C9orf85: variants seen among roughly 807,000 people sequenced by gnomAD.
The protein encoded by C9orf85 is uncharacterized protein C9orf85.
Under a neutral mutation model 14.9 loss-of-function variants are expected in C9orf85, and 16 were observed. The ratio of observed to expected loss-of-function variants is 1.08; its 90% CI spans 0.73 to 1.63. The LOEUF (loss-of-function observed/expected upper bound fraction) is 1.63. Among genes scored for constraint, C9orf85 ranks in the 40% most tolerant of loss-of-function variants. The pLI is 0.00. For synonymous variants in C9orf85, 45 were observed against 56.8 expected (o/e 0.79, Z 0.93); for missense variants, 172 against 186.1 (o/e 0.92, Z 0.44).
At chr9:71,928,468 T>C (rs898950374) in intron 1 of C9orf85, among the ~76,000 whole-genome samples, 6 of 152,206 alleles carry the variant, frequency 3.9e-5, no homozygotes, top group Non-Finnish European at 5.9e-5. Context: ...GAGTACATAC[T>C]AGCTCATATT....
chr9:71,948,818 C>G lies in C9orf85; in HGVS notation c.209+1706C>G, dbSNP rs1016733494. Among the ~76,000 whole-genome samples the G allele has an allele frequency of 4.0e-3, 599 of 147,922 alleles. 13 individuals carry two copies. Among genetic ancestry groups the G allele is most frequent in the African/African-American group, 0.012 (482 of 40,248 alleles). On this transcript the variant is annotated intron_variant, in intron 2 of 3. Transcript: ENST00000334731. The stretch of plus-strand genomic sequence containing the variant: ...GGATTACAGGCGTGAGCCACGCCCC[C>G]CCCCCCCCCTTTAAATAGTTTTACC...
chr9:71,964,729 G>A (rs1200382488), intron 2 of C9orf85, among the ~76,000 whole-genome samples: 1 of 152,140 alleles, frequency 6.6e-6, no homozygotes, highest in Non-Finnish European at 1.5e-5. Context: ...CACCAATTCC[G>A]GATACAGTGG....
intron 2 of C9orf85, among the ~76,000 whole-genome samples, chr9:71,949,447 G>A (rs1257418499): frequency 6.6e-6 from 1 of 151,934 alleles, no homozygotes. Context: ...TATGTATTTT[G>A]TTTTCTCGCG....
chr9:71,947,050 A>G lies in C9orf85; in HGVS notation c.147A>G (p.Lys49=), dbSNP rs1217590189. 4 of 1,613,628 alleles carry G rather than the reference A, an allele frequency of 2.5e-6. No individual in the cohort carries two copies. The highest frequency in any genetic ancestry group is 3.4e-6 in the Non-Finnish European group (4 of 1,179,758). ...KLHDGVCQRC[K]EVLEWRVKYS... ...ATGATGGAGTATGTCAGCGCTGTAA[A>G]GAAGTTCTTGAGTGGCGTGTAAAAT... The change falls in exon 2 of 4, where the codon AAA becomes AAG. Residue 49 remains lysine (K), a synonymous_variant. Transcript: ENST00000334731.
chr9:71,935,349 A>G (rs1410208550), intron 1 of C9orf85, among the ~76,000 whole-genome samples: 1 of 152,236 alleles, frequency 6.6e-6, no homozygotes, highest in Non-Finnish European at 1.5e-5. Context: ...ACTAAAACCT[A>G]GAAGCAACTG....
chr9:71,967,167 G>A (rs937937087), intron 2 of C9orf85, among the ~76,000 whole-genome samples: 1 of 152,040 alleles, frequency 6.6e-6, no homozygotes, highest in African/African-American at 2.4e-5. Context: ...CCTAGCTGAG[G>A]GTTCTTCTTC....
rs191770305 is a variant in C9orf85, at chr9:71,938,426, T to C, written c.103-8580T>C. 1.5e-3 allele frequency among the ~76,000 whole-genome samples: 234 copies of C among 152,066 alleles called. 1 individual carries two copies. The highest frequency in any genetic ancestry group is 5.3e-3 in the African/African-American group (221 of 41,558). On this transcript the variant is annotated intron_variant, in intron 1 of 3. Transcript: ENST00000334731. ...TCATTTTTTTAAAAATATAAGTCAGTTGAGTTGAGTAATAATGCACAAATT... is the reference window on the plus strand; with the variant it reads ...TCATTTTTTTAAAAATATAAGTCAGCTGAGTTGAGTAATAATGCACAAATT...
At chr9:71,930,679 C>A (rs1188363315) in intron 1 of C9orf85, among the ~76,000 whole-genome samples, 1 of 151,286 alleles carries the variant, frequency 6.6e-6, no homozygotes, top group African/African-American at 2.4e-5. Context: ...GTGGCACATG[C>A]CTGTGGTCCC....
At chr9:71,925,347 C>T (rs1033432859) in intron 1 of C9orf85, among the ~76,000 whole-genome samples, 5 of 152,156 alleles carry the variant, frequency 3.3e-5, no homozygotes, top group African/African-American at 1.2e-4. Context: ...ATGGTGAAAC[C>T]CCGTCCCTAC....
intron 2 of C9orf85, among the ~76,000 whole-genome samples, chr9:71,960,679 T>A (rs532773420): frequency 6.6e-6 from 1 of 152,246 alleles, no homozygotes; most frequent in Admixed American, 6.5e-5. Flanking sequence ...CCTGAGTAGC[T>A]GGGAATTCAG....
At chr9:71,923,771 C>T (rs1414289909) in intron 1 of C9orf85, among the ~76,000 whole-genome samples, 1 of 152,044 alleles carries the variant, frequency 6.6e-6, no homozygotes, top group African/African-American at 2.4e-5. Flanking sequence ...TTATTATTAC[C>T]GTAGATGAAA....
intron 1 of C9orf85, among the ~76,000 whole-genome samples, chr9:71,919,695 C>A (rs1036285961): frequency 6.6e-6 from 1 of 152,064 alleles, no homozygotes; most frequent in African/African-American, 2.4e-5. Flanking sequence ...GTGCCCTTTT[C>A]AATGCTTTGA....
chr9:71,971,480 G>T (rs1051638527), intron 2 of C9orf85, 25 bp from the exon 3 acceptor site: 1 of 1,321,706 alleles, frequency 7.6e-7, no homozygotes. Context: ...ACATAAATAA[G>T]TTAACATTTT....
intron 1 of C9orf85, among the ~76,000 whole-genome samples, chr9:71,928,903 T>G (rs1827997578): frequency 6.6e-6 from 1 of 152,196 alleles, no homozygotes; most frequent in African/African-American, 2.4e-5. Flanking sequence ...TTCTGCTGTT[T>G]CTAAGAGTGA....
intron 2 of C9orf85, among the ~76,000 whole-genome samples, chr9:71,968,459 T>C (rs1822760295): frequency 6.6e-6 from 1 of 152,066 alleles, no homozygotes; most frequent in South Asian, 2.1e-4. Flanking sequence ...TTTAGAGTTA[T>C]GATTAAATTT....
chr9:71,979,820 A>T (rs1400538160), intron 3 of C9orf85, among the ~76,000 whole-genome samples: 1 of 152,184 alleles, frequency 6.6e-6, no homozygotes. Flanking sequence ...TAAAATTACA[A>T]AATTGAACTA....
intron 2 of C9orf85, among the ~76,000 whole-genome samples, chr9:71,951,570 G>A (rs930877766): frequency 1.3e-5 from 2 of 152,186 alleles, no homozygotes; most frequent in Non-Finnish European, 2.9e-5. Context: ...CAATGGTGCT[G>A]TCAGTATCTC....
chr9:71,922,745 C>T (rs1032952057), intron 1 of C9orf85, among the ~76,000 whole-genome samples: 6 of 152,228 alleles, frequency 3.9e-5, no homozygotes, highest in African/African-American at 1.4e-4. Context: ...ATCTGTCCAA[C>T]ATCTGACATC....
intron 1 of C9orf85, among the ~76,000 whole-genome samples, chr9:71,946,694 G>A (rs1220807644): frequency 6.6e-6 from 1 of 151,900 alleles, no homozygotes; most frequent in Non-Finnish European, 1.5e-5. Context: ...TCAGGAGGCT[G>A]AGGCAGGAGT....
Sources: allele counts gnomAD v4.1 joint callset (sites outside exome capture counted in the v4.1 genomes callset), GRCh38; gene constraint gnomAD v4.1.1; transcripts MANE v1.5; gene names NCBI Gene and HGNC (gene_info 2026-07-23, HGNC 2026-07-21).